Variants in NIBAN1 observed in about 807,000 individuals in gnomAD.
NIBAN1 encodes the protein niban apoptosis regulator 1, also known as protein Niban 1.
In NIBAN1, 81 loss-of-function variants were observed where a neutral mutation model predicts 75.1. The ratio of observed to expected loss-of-function variants is 1.08; its 90% CI spans 0.90 to 1.30. NIBAN1 has a LOEUF of 1.30. Among genes scored for constraint, NIBAN1 ranks in the 50% most tolerant of loss-of-function variants. NIBAN1 has a pLI of 0.00. For synonymous variants in NIBAN1, 436 were observed against 424.8 expected, an observed-to-expected ratio of 1.03 and a Z score of -0.32; for missense variants, 1,133 against 1,128.1, an observed-to-expected ratio of 1.00 and a Z score of -0.06.
intron 4 of NIBAN1, chr1:184,888,013 CTTTG>C (rs1262443425): frequency 1.3e-5 from 2 of 152,082 alleles, no homozygotes; most frequent in African/African-American, 2.4e-5. Context: ...CTCTGCAGTT[CTTTG>C]TTTGTTTTTT....
intron 5 of NIBAN1, among the ~76,000 whole-genome samples, chr1:184,870,673 C>T (rs1419899135): frequency 6.6e-6 from 1 of 152,068 alleles, no homozygotes; most frequent in Admixed American, 6.6e-5. Flanking sequence ...ATGGAAGCAG[C>T]CTTTGTAAAA....
chr1:184,910,818 G>A (rs919234386), intron 1 of NIBAN1, among the ~76,000 whole-genome samples: 13 of 152,114 alleles, frequency 8.5e-5, no homozygotes, highest in African/African-American at 3.1e-4. Context: ...ATTAGTTGAA[G>A]GCCTGAGTAG....
intron 1 of NIBAN1, among the ~76,000 whole-genome samples, chr1:184,960,501 A>T (rs1658601746): frequency 6.6e-6 from 1 of 152,242 alleles, no homozygotes; most frequent in South Asian, 2.1e-4. Context: ...TGTGAACCAA[A>T]CACTGATCTA....
intron 1 of NIBAN1, among the ~76,000 whole-genome samples, chr1:184,907,773 A>G (rs1042668998): frequency 6.6e-6 from 1 of 152,216 alleles, no homozygotes; most frequent in South Asian, 2.1e-4. Context: ...TTTAAAGCAC[A>G]TTTATTATTG....
chr1:184,865,036 A>G (rs186871191), intron 5 of NIBAN1, among the ~76,000 whole-genome samples: 2 of 152,186 alleles, frequency 1.3e-5, no homozygotes, highest in Non-Finnish European at 2.9e-5. Flanking sequence ...CATCAGAGAA[A>G]TGCAAATCAA....
intron 3 of NIBAN1, among the ~76,000 whole-genome samples, chr1:184,893,243 G>C (rs1197748804): frequency 6.6e-6 from 1 of 152,154 alleles, no homozygotes. Context: ...TGACCTAACT[G>C]TTTAGCTTAA....
intron 5 of NIBAN1, among the ~76,000 whole-genome samples, chr1:184,857,479 A>G (rs1014766112): frequency 5.9e-5 from 9 of 152,238 alleles, no homozygotes; most frequent in African/African-American, 1.9e-4. Flanking sequence ...AAAATAATTT[A>G]TAAATTGATT....
chr1:184,889,977 A>T, intron 4 of NIBAN1, 131 bp downstream of exon 4: 1 of 704,550 alleles, frequency 1.4e-6, no homozygotes, highest in Non-Finnish European at 2.4e-6. Flanking sequence ...CAATTGTGAC[A>T]AACAAAAATG....
At chr1:184,893,242 T>G (rs141667643) in intron 3 of NIBAN1, among the ~76,000 whole-genome samples, 481 of 152,270 alleles carry the variant, frequency 3.2e-3, no homozygotes, top group Non-Finnish European at 5.6e-3. Context: ...TTGACCTAAC[T>G]GTTTAGCTTA....
chr1:184,901,248 T>C lies in NIBAN1; in HGVS notation c.56-1939A>G, dbSNP rs542204087. ...CTGGTCATGTGAGCTTTAATAATTATTACTTGTAAGGTGCTTTGAGACCCA... is the reference window on the plus strand; with the variant it reads ...CTGGTCATGTGAGCTTTAATAATTACTACTTGTAAGGTGCTTTGAGACCCA... On this transcript the variant is annotated intron_variant, in intron 1 of 13. Transcript: ENST00000367511. Among the ~76,000 whole-genome samples the C allele has an allele frequency of 2.0e-5, 3 of 152,344 alleles. No individual in the cohort carries two copies. In the South Asian group the frequency reaches 6.2e-4, roughly 32 times the overall value.
At chr1:184,800,651 G>A (rs1181090495) in intron 12 of NIBAN1, among the ~76,000 whole-genome samples, 1 of 151,858 alleles carries the variant, frequency 6.6e-6, no homozygotes, top group Non-Finnish European at 1.5e-5. Flanking sequence ...GTTTTTCTCA[G>A]GTTTGTCAAA....
In NIBAN1 at chr1:184,899,171, T is replaced by C. The variant is rs1254597517; in HGVS notation, c.186+8A>G. On this transcript the variant is annotated splice_region_variant and intron_variant, in intron 2 of 13. Transcript: ENST00000367511. ...GAAATACATGTAAACCAAATATCCA[T>C]GGCTTACCTTGGTCTTCAAAAACTG... The C allele has an allele frequency of 2.5e-6, 4 of 1,613,534 alleles. No homozygotes were observed. In the African/African-American group the frequency reaches 4.0e-5, roughly 16 times the overall value.
Position 184,803,517 on chromosome 1 carries a change from C to T in NIBAN1, c.1554+68G>A. ...TAGTCTGCTGTTTGCCAGTACACAT[C>T]ACAAAAGAACTTGTTTGAACTTCAG... On this transcript the variant is annotated intron_variant, in intron 12 of 13. Transcript: ENST00000367511. 3.9e-6 allele frequency: 5 copies of T among 1,294,140 alleles called. No individual in the cohort carries two copies. In the South Asian group the frequency reaches 6.1e-5, roughly 16 times the overall value. The allele number at this position is 1,294,140 out of a possible 1,614,324, so 80.2% of individuals were successfully genotyped here.
intron 5 of NIBAN1, among the ~76,000 whole-genome samples, chr1:184,864,755 A>G (rs778870203): frequency 2.6e-5 from 4 of 152,274 alleles, no homozygotes; most frequent in Middle Eastern, 6.8e-3. Flanking sequence ...AAAAACAAAT[A>G]ATCGCATTAA....
intron 1 of NIBAN1, among the ~76,000 whole-genome samples, chr1:184,964,350 T>G (rs1165940920): frequency 6.6e-6 from 1 of 152,178 alleles, no homozygotes; most frequent in Non-Finnish European, 1.5e-5. Flanking sequence ...TTCTGATACT[T>G]ACTCATGTGA....
In NIBAN1 at chr1:184,793,060, T is replaced by C. The variant is rs1448075310; in HGVS notation, c.*1917A>G. On this transcript the variant is annotated 3_prime_UTR_variant, in exon 14 of 14. Transcript: ENST00000367511. ...AACACGCCAAGAAAAGTTGCAACAA[T>C]TAAATATGATATTATACATATACTG... The C allele has an allele frequency of 6.6e-6, 1 of 152,178 alleles. No homozygotes were observed. The highest frequency in any genetic ancestry group is 2.4e-5 in the African/African-American group (1 of 41,440). The allele number at this position is 152,178 out of a possible 1,614,324, so 9.4% of individuals were successfully genotyped here. A position where few individuals can be genotyped will look rare whatever the true frequency, so the allele number is the denominator to read the frequency against.
At chr1:184,828,398 A>G (rs983703677) in intron 6 of NIBAN1, among the ~76,000 whole-genome samples, 1 of 152,128 alleles carries the variant, frequency 6.6e-6, no homozygotes, top group African/African-American at 2.4e-5. Flanking sequence ...ATGCAAATAA[A>G]CCCAGCACTT....
intron 1 of NIBAN1, among the ~76,000 whole-genome samples, chr1:184,903,724 C>T (rs959461423): frequency 2.8e-5 from 4 of 145,312 alleles, no homozygotes; most frequent in Non-Finnish European, 4.5e-5. Flanking sequence ...AACCATGAGC[C>T]GATTAAACCT....
At chr1:184,864,819 CAACA>C (rs1338819763) in intron 5 of NIBAN1, among the ~76,000 whole-genome samples, 1 of 149,618 alleles carries the variant, frequency 6.7e-6, no homozygotes, top group African/African-American at 2.5e-5. Flanking sequence ...TACAAACGGC[CAACA>C]AACATATTTT....
Sources: allele counts gnomAD v4.1 joint callset (sites outside exome capture counted in the v4.1 genomes callset), GRCh38; gene constraint gnomAD v4.1.1; transcripts MANE v1.5; gene names NCBI Gene and HGNC (gene_info 2026-07-23, HGNC 2026-07-21).